Variants in MLIP observed in about 807,000 individuals in gnomAD.
MLIP encodes the protein muscular LMNA-interacting protein.
MLIP carries 79 observed loss-of-function variants against 84.8 expected under a neutral mutation model. The ratio of observed to expected loss-of-function variants is 0.93; its 90% confidence interval spans 0.78 to 1.12. MLIP has a LOEUF of 1.12. Among genes scored for constraint, MLIP ranks in the 50% most tolerant of loss-of-function variants. The pLI is 0.00. For synonymous variants in MLIP, 504 were observed against 463.0 expected (o/e 1.09, Z -1.14); for missense variants, 1,257 against 1,160.6 (o/e 1.08, Z -1.21).
Position 54,124,876 on chromosome 6 carries a change from T to A in MLIP, c.645+11T>A, listed in dbSNP as rs1379538294. On this transcript the variant is annotated intron_variant, in intron 3 of 13. Transcript: ENST00000502396. ...CAAAAGCATGGGCAGGTAGGTTTTG[T>A]GTTCCTGCTGTCCATAAGGAAAAAA... The A allele has an allele frequency of 3.9e-6, 6 of 1,556,244 alleles. No individual in the cohort carries two copies. Among genetic ancestry groups the A allele is most frequent in the Non-Finnish European group, 5.2e-6 (6 of 1,153,862 alleles).
intron 12 of MLIP, among the ~76,000 whole-genome samples, chr6:54,234,655 C>G (rs1781243768): frequency 6.6e-6 from 1 of 152,176 alleles, no homozygotes. Flanking sequence ...TTCTGACTTT[C>G]ACCTCTACCA....
At chr6:54,157,643 C>G (rs1407236) in intron 5 of MLIP, among the ~76,000 whole-genome samples, 69,121 of 151,848 alleles carry the variant, frequency 0.46, 17,732 homozygotes, top group African/African-American at 0.7. Context: ...ACAGTGTCAA[C>G]AGTTATGTAA....
intron 11 of MLIP, 89 bp from the exon 12 acceptor site, chr6:54,230,625 T>G (rs816384): frequency 9.4e-6 from 11 of 1,169,884 alleles, no homozygotes; most frequent in African/African-American, 3.0e-5. Context: ...GGTAAGAGAT[T>G]CTGACCTATG....
chr6:54,074,942 C>T (rs1370653275), intron 1 of MLIP, among the ~76,000 whole-genome samples: 3 of 152,032 alleles, frequency 2.0e-5, no homozygotes. Context: ...ACAGCTGCTG[C>T]ATTTGCTTGA....
chr6:54,234,545 A>G (rs1022717901), intron 12 of MLIP, among the ~76,000 whole-genome samples: 7 of 152,104 alleles, frequency 4.6e-5, no homozygotes. Context: ...TGATGCTGCA[A>G]ATCTATCAGT....
intron 1 of MLIP, among the ~76,000 whole-genome samples, chr6:54,077,880 T>C (rs1766898496): frequency 6.6e-6 from 1 of 152,250 alleles, no homozygotes; most frequent in African/African-American, 2.4e-5. Context: ...ATTTAAACTA[T>C]TATTGAGGAT....
chr6:54,063,000 G>A (rs1038331555), intron 1 of MLIP, among the ~76,000 whole-genome samples: 2 of 151,988 alleles, frequency 1.3e-5, no homozygotes, highest in African/African-American at 4.8e-5. Context: ...GTCGCAGTTC[G>A]AGACAAGCCT....
intron 9 of MLIP, among the ~76,000 whole-genome samples, chr6:54,171,007 T>A (rs1020512433): frequency 1.4e-4 from 21 of 151,470 alleles, no homozygotes. Flanking sequence ...TTTTGCTCTC[T>A]CTCCTTCTTC....
intron 1 of MLIP, among the ~76,000 whole-genome samples, chr6:54,094,978 T>C (rs931082868): frequency 2.6e-5 from 4 of 152,100 alleles, no homozygotes; most frequent in Non-Finnish European, 5.9e-5. Context: ...TCGAAAACAC[T>C]CAAGTGATGA....
chr6:54,157,680 G>A (rs1220998402), intron 5 of MLIP, among the ~76,000 whole-genome samples: 1 of 152,046 alleles, frequency 6.6e-6, no homozygotes, highest in Non-Finnish European at 1.5e-5. Flanking sequence ...CACAAGGAAA[G>A]GAACCTCTCC....
At chr6:54,232,485 T>A (rs1781074401) in intron 12 of MLIP, among the ~76,000 whole-genome samples, 1 of 152,162 alleles carries the variant, frequency 6.6e-6, no homozygotes. Flanking sequence ...GATTTGTTGA[T>A]ACTGAATAAA....
At chr6:54,164,086 A>G (rs1262964973) in intron 8 of MLIP, among the ~76,000 whole-genome samples, 1 of 151,950 alleles carries the variant, frequency 6.6e-6, no homozygotes, top group Non-Finnish European at 1.5e-5. Flanking sequence ...TTAAAACTTT[A>G]TGTATGATCT....
intron 10 of MLIP, among the ~76,000 whole-genome samples, chr6:54,194,840 T>C (rs930268255): frequency 6.6e-6 from 1 of 151,780 alleles, no homozygotes; most frequent in Non-Finnish European, 1.5e-5. Context: ...ATAAGTGGTA[T>C]AAAAATCTCT....
At chr6:54,149,440 T>C (rs1211770652) in intron 5 of MLIP, among the ~76,000 whole-genome samples, 1 of 152,136 alleles carries the variant, frequency 6.6e-6, no homozygotes. Flanking sequence ...ATTCAAAAAC[T>C]TCCATATCAA....
chr6:54,218,609 T>A (rs1364335401), intron 11 of MLIP, among the ~76,000 whole-genome samples: 6 of 152,056 alleles, frequency 3.9e-5, no homozygotes, highest in South Asian at 2.1e-4. Context: ...AGCCTTCATC[T>A]TCTGGGTTCA....
chr6:54,048,099 ACT>A (rs1330337064), intron 1 of MLIP, among the ~76,000 whole-genome samples: 2 of 152,160 alleles, frequency 1.3e-5, no homozygotes, highest in Non-Finnish European at 2.9e-5. Context: ...GGGAGGTGGT[ACT>A]GTAGGAGAGG....
At chr6:54,264,012 G>A (rs1181554546) in intron 13 of MLIP, among the ~76,000 whole-genome samples, 1 of 152,024 alleles carries the variant, frequency 6.6e-6, no homozygotes, top group Non-Finnish European at 1.5e-5. Flanking sequence ...TTCACAAAGT[G>A]TCTAAAACGA....
chr6:54,160,576 G>A lies in MLIP; in HGVS notation c.2416G>A (p.Val806Ile), dbSNP rs1439335641. The change falls in exon 7 of 14, where the codon GTC becomes ATC. Residue 806 changes from valine to isoleucine, a missense_variant. Val to Ile is a conservative substitution (Grantham distance 29, BLOSUM62 3). Transcript: ENST00000502396. ...TEELCATIDK[V>I]LQDSLSMHSS... is the part of the protein sequence containing the mutation. ...AGAGCTCTGTGCTACCATTGATAAG[G>A]TCTTACAGGATTCCTTGTCTATGGT... The A allele has an allele frequency of 6.2e-7, 1 of 1,611,788 alleles. No individual in the cohort carries two copies. The highest frequency in any genetic ancestry group is 8.5e-7 in the Non-Finnish European group (1 of 1,178,654).
At chr6:54,155,799 G>T (rs1381384074) in intron 5 of MLIP, among the ~76,000 whole-genome samples, 1 of 151,880 alleles carries the variant, frequency 6.6e-6, no homozygotes, top group African/African-American at 2.4e-5. Context: ...AGATTTATTT[G>T]GTATCTTTTC....
Sources: allele counts gnomAD v4.1 joint callset (sites outside exome capture counted in the v4.1 genomes callset), GRCh38; gene constraint gnomAD v4.1.1; transcripts MANE v1.5; gene names NCBI Gene and HGNC (gene_info 2026-07-23, HGNC 2026-07-21).